Variants in ACYP2 observed in about 807,000 individuals in gnomAD.
ACYP2 encodes acylphosphatase 2, also known as acylphosphatase-2.
A neutral mutation model predicts 11.2 loss-of-function variants in ACYP2; 12 were observed. The ratio of observed to expected loss-of-function variants is 1.08; its 90% CI spans 0.69 to 1.74. The LOEUF (loss-of-function observed/expected upper bound fraction) is 1.74. Ranked by LOEUF, ACYP2 falls within the 40% of genes most tolerant of loss-of-function variation. The pLI is 0.00. For synonymous variants in ACYP2, 43 were observed against 32.2 expected, an observed-to-expected ratio of 1.33 and a Z score of -1.13; for missense variants, 134 against 101.9, an observed-to-expected ratio of 1.31 and a Z score of -1.35.
At chr2:54,032,971 G>T (rs1036375170) in intron 2 of ACYP2, among the ~76,000 whole-genome samples, 1 of 152,188 alleles carries the variant, frequency 6.6e-6, no homozygotes, top group Non-Finnish European at 1.5e-5. Context: ...AAGAGTTCCA[G>T]GCAGAGAAAG....
intron 6 of ACYP2, among the ~76,000 whole-genome samples, chr2:54,201,623 T>TC (rs1491451992): frequency 9.0e-5 from 9 of 99,782 alleles, no homozygotes; most frequent in Middle Eastern, 4.4e-3. Context: ...TTTCTTTCTT[T>TC]GTTTCTTTCT....
chr2:54,095,101 C>A (rs1371902361), intron 4 of ACYP2, among the ~76,000 whole-genome samples: 2 of 151,510 alleles, frequency 1.3e-5, no homozygotes, highest in East Asian at 2.0e-4. Context: ...AACGAGCATG[C>A]TGCCTTCAAG....
intron 6 of ACYP2, among the ~76,000 whole-genome samples, chr2:54,237,725 G>T (rs903701589): frequency 6.6e-5 from 10 of 152,012 alleles, no homozygotes; most frequent in Non-Finnish European, 1.2e-4. Flanking sequence ...TTACTATGTT[G>T]TGCTTTTCTT....
At chr2:54,029,862 C>A (rs549412119) in intron 2 of ACYP2, 1 of 300,982 alleles carries the variant, frequency 3.3e-6, no homozygotes, top group Non-Finnish European at 6.2e-6. Context: ...ACCTTTCTTA[C>A]AGATTTGTTC....
intron 2 of ACYP2, among the ~76,000 whole-genome samples, chr2:54,047,806 A>G (rs1199201544): frequency 6.6e-6 from 1 of 152,238 alleles, no homozygotes; most frequent in Non-Finnish European, 1.5e-5. Flanking sequence ...CATTAAATAT[A>G]TCATGAACAT....
At chr2:54,269,015 T>G (rs747463546) in intron 6 of ACYP2, among the ~76,000 whole-genome samples, 1 of 152,214 alleles carries the variant, frequency 6.6e-6, no homozygotes, top group Non-Finnish European at 1.5e-5. Context: ...ATCTTACTTA[T>G]AAATGTATCC....
chr2:54,229,745 G>C (rs1686153579), intron 6 of ACYP2, among the ~76,000 whole-genome samples: 1 of 152,176 alleles, frequency 6.6e-6, no homozygotes, highest in South Asian at 2.1e-4. Context: ...CTTAGAACTA[G>C]TTGTAAATAC....
At chr2:54,059,599 A>G (rs1676360114) in intron 4 of ACYP2, among the ~76,000 whole-genome samples, 1 of 152,112 alleles carries the variant, frequency 6.6e-6, no homozygotes, top group Non-Finnish European at 1.5e-5. Context: ...ATTTCAGATA[A>G]TCTATTTGTG....
chr2:54,013,445 C>T (rs1161042057), intron 2 of ACYP2, among the ~76,000 whole-genome samples: 22 of 151,822 alleles, frequency 1.4e-4, no homozygotes, highest in Non-Finnish European at 2.8e-4. Context: ...GGATTAGAGG[C>T]ATGCACTACC....
chr2:54,191,415 G>A (rs951357511), intron 6 of ACYP2, among the ~76,000 whole-genome samples: 3 of 152,074 alleles, frequency 2.0e-5, no homozygotes, highest in Non-Finnish European at 2.9e-5. Flanking sequence ...TGCTCTTCCC[G>A]CTGACATGCA....
intron 2 of ACYP2, among the ~76,000 whole-genome samples, chr2:54,042,775 G>A (rs1675304226): frequency 6.6e-6 from 1 of 152,120 alleles, no homozygotes; most frequent in African/African-American, 2.4e-5. Flanking sequence ...GTTACCATCT[G>A]TCCTTGGCCA....
chr2:54,187,174 G>C (rs369546749), intron 6 of ACYP2, among the ~76,000 whole-genome samples: 1 of 152,194 alleles, frequency 6.6e-6, no homozygotes, highest in Admixed American at 6.5e-5. Flanking sequence ...GGGGCAGGTA[G>C]CTTCCCCCTT....
At chr2:54,139,985 A>G (rs1198029062) in intron 6 of ACYP2, among the ~76,000 whole-genome samples, 1 of 152,182 alleles carries the variant, frequency 6.6e-6, no homozygotes, top group African/African-American at 2.4e-5. Flanking sequence ...TAAACAGTAA[A>G]TATATAATTA....
intron 2 of ACYP2, among the ~76,000 whole-genome samples, chr2:53,995,357 G>A (rs901705546): frequency 2.0e-5 from 3 of 151,940 alleles, no homozygotes; most frequent in Non-Finnish European, 2.9e-5. Flanking sequence ...AGTGACCTTG[G>A]TGTTTTTCTC....
chr2:54,164,964 A>G (rs1215157), intron 6 of ACYP2, among the ~76,000 whole-genome samples: 82,752 of 151,988 alleles, frequency 0.54, 23,078 homozygotes, highest in East Asian at 0.72. Context: ...TGGGATGTTT[A>G]GTTTTCTGTT....
At chr2:54,285,544 C>T (rs1218822152) in intron 6 of ACYP2, among the ~76,000 whole-genome samples, 1 of 152,156 alleles carries the variant, frequency 6.6e-6, no homozygotes, top group East Asian at 1.9e-4. Flanking sequence ...TTACTGTGTC[C>T]AAAACAGAAC....
intron 6 of ACYP2, among the ~76,000 whole-genome samples, chr2:54,159,660 G>C (rs1016323234): frequency 5.3e-5 from 8 of 152,156 alleles, no homozygotes; most frequent in African/African-American, 1.9e-4. Context: ...TGGGGTGAGA[G>C]AGGTAGGCAG....
At chr2:54,220,573 A>G (rs2103949065) in intron 6 of ACYP2, among the ~76,000 whole-genome samples, 1 of 152,344 alleles carries the variant, frequency 6.6e-6, no homozygotes, top group African/African-American at 2.4e-5. Context: ...ATCAAATAGT[A>G]AAGATTTTTA....
At chr2:54,211,752 C>G (rs1252924871) in intron 6 of ACYP2, among the ~76,000 whole-genome samples, 1 of 152,198 alleles carries the variant, frequency 6.6e-6, no homozygotes, top group Non-Finnish European at 1.5e-5. Flanking sequence ...ATGATGTCTA[C>G]CATTTCTTTG....
Sources: allele counts gnomAD v4.1 joint callset (sites outside exome capture counted in the v4.1 genomes callset), GRCh38; gene constraint gnomAD v4.1.1; transcripts MANE v1.5; gene names NCBI Gene and HGNC (gene_info 2026-07-23, HGNC 2026-07-21).